The following NRG3 variants were observed in gnomAD, a reference collection of about 807,000 sequenced individuals.
NRG3 encodes neuregulin 3, also known as pro-neuregulin-3, membrane-bound isoform.
In NRG3, 31 loss-of-function variants were observed where a neutral mutation model predicts 66.9. The observed-to-expected ratio is 0.46, with a 90% CI of 0.35 to 0.63. NRG3 has a LOEUF of 0.63. Ranked by LOEUF, NRG3 falls within the 20% of genes least tolerant of loss-of-function variation. The probability of loss-of-function intolerance (pLI) is 0.00; values close to 1 mark genes in which losing one functional copy is unlikely to be tolerated. For synonymous variants in NRG3, 393 were observed against 359.4 expected (o/e 1.09, Z -1.06); for missense variants, 910 against 878.9 (o/e 1.04, Z -0.45).
At chr10:82,787,431 G>A (rs996635097) in intron 3 of NRG3, among the ~76,000 whole-genome samples, 5 of 152,142 alleles carry the variant, frequency 3.3e-5, no homozygotes, top group African/African-American at 1.2e-4. Context: ...CAATTATAAT[G>A]TTTAGGTAAA....
rs78693924 is a variant in NRG3 at position 81,915,496 on chromosome 10, G to GTTTTTTTTTTTT, written c.823+39336_823+39347dup. On this transcript the variant is annotated intron_variant, in intron 1 of 8. Coordinates refer to ENST00000372141, the MANE Select transcript of NRG3 (RefSeq NM_001010848.4). ...GTTAAAGTCAGCTCACACTTCTTTA[G>GTTTTTTTTTTTT]TTTTTTTTTTTTTTGCCAAAACACA... is the stretch of plus-strand genomic sequence containing the variant. Among the ~76,000 whole-genome samples the GTTTTTTTTTTTT allele has an allele frequency of 7.2e-3, 939 of 130,596 alleles. 63 individuals are homozygous for GTTTTTTTTTTTT. The highest frequency in any genetic ancestry group is 0.02 in the African/African-American group (662 of 32,692). 85.7% of individuals were successfully genotyped at this position (130,596 alleles called of 152,430 possible). A position where few individuals can be genotyped will look rare whatever the true frequency, so the allele number is the denominator to read the frequency against.
intron 3 of NRG3, among the ~76,000 whole-genome samples, chr10:82,783,006 C>G (rs933339704): frequency 6.6e-6 from 1 of 152,114 alleles, no homozygotes; most frequent in African/African-American, 2.4e-5. Context: ...AAAACTTACC[C>G]ACCATGATCA....
intron 1 of NRG3, among the ~76,000 whole-genome samples, chr10:81,966,443 G>C (rs74527515): frequency 0.044 from 6,749 of 151,824 alleles, 158 homozygotes; most frequent in Non-Finnish European, 0.055. Context: ...CAGATGAGTT[G>C]ATTTTTCTTA....
chr10:82,316,172 T>G (rs1233268262), intron 1 of NRG3, among the ~76,000 whole-genome samples: 1 of 152,142 alleles, frequency 6.6e-6, no homozygotes, highest in Non-Finnish European at 1.5e-5. Flanking sequence ...GTGCATTGCA[T>G]TTTTACTTTG....
At chr10:81,972,609 ATG>A (rs2059971535) in intron 1 of NRG3, among the ~76,000 whole-genome samples, 1 of 152,332 alleles carries the variant, frequency 6.6e-6, no homozygotes, top group East Asian at 1.9e-4. Flanking sequence ...AGAAACTATC[ATG>A]AAATAAAACT....
intron 1 of NRG3, among the ~76,000 whole-genome samples, chr10:82,280,188 ATCTT>A: frequency 6.6e-6 from 1 of 152,072 alleles, no homozygotes; most frequent in Admixed American, 6.6e-5. Context: ...GCTGAAAAAA[ATCTT>A]TATTTTCTGA....
At chr10:82,022,901 T>G in intron 1 of NRG3, among the ~76,000 whole-genome samples, 1 of 151,048 alleles carries the variant, frequency 6.6e-6, no homozygotes, top group Middle Eastern at 3.2e-3. Flanking sequence ...TATATTTAAC[T>G]AATCAATTTT....
chr10:82,068,672 A>G (rs995387267), intron 1 of NRG3, among the ~76,000 whole-genome samples: 1 of 152,176 alleles, frequency 6.6e-6, no homozygotes, highest in Non-Finnish European at 1.5e-5. Context: ...CTTAGATGAA[A>G]GAGGTGACAC....
At chr10:82,070,860 A>G (rs1327895062) in intron 1 of NRG3, among the ~76,000 whole-genome samples, 2 of 152,198 alleles carry the variant, frequency 1.3e-5, no homozygotes, top group Non-Finnish European at 2.9e-5. Context: ...AAAAGGCACA[A>G]CTTTCCTTAT....
At chr10:82,307,300 T>C (rs966009008) in intron 1 of NRG3, among the ~76,000 whole-genome samples, 3 of 152,204 alleles carry the variant, frequency 2.0e-5, no homozygotes, top group Admixed American at 6.5e-5. Context: ...TGTAATTATC[T>C]GTGAGAGATA....
At chr10:81,899,414 G>A (rs563845657) in intron 1 of NRG3, among the ~76,000 whole-genome samples, 54 of 152,326 alleles carry the variant, frequency 3.5e-4, no homozygotes, top group African/African-American at 1.3e-3. Context: ...GCTGATCATT[G>A]GTGCAAACCG....
intron 2 of NRG3, among the ~76,000 whole-genome samples, chr10:82,719,028 A>G (rs1320704736): frequency 2.6e-5 from 4 of 152,202 alleles, no homozygotes; most frequent in Admixed American, 6.5e-5. Context: ...TATGAGCTTT[A>G]TAAGTAATGA....
At position 81,947,559 on chromosome 10, in the gene NRG3, C is replaced by T. The variant is rs191494661; in HGVS notation, c.823+71396C>T. 2.6e-5 allele frequency among the ~76,000 whole-genome samples: 4 copies of T among 152,168 alleles called. No homozygotes were observed. The East Asian group carries it at 7.7e-4, about 29-fold the overall frequency. ...TCATAGTGGCATTCTGACATTCTTACAATTTGTATAACCTTTGTGCTATCT... is the reference window on the plus strand; with the variant it reads ...TCATAGTGGCATTCTGACATTCTTATAATTTGTATAACCTTTGTGCTATCT... On this transcript the variant is annotated intron_variant, in intron 1 of 8. Coordinates refer to ENST00000372141, the MANE Select transcript of NRG3 (RefSeq NM_001010848.4).
intron 1 of NRG3, among the ~76,000 whole-genome samples, chr10:82,303,283 T>C (rs918908545): frequency 6.6e-6 from 1 of 152,000 alleles, no homozygotes; most frequent in Non-Finnish European, 1.5e-5. Flanking sequence ...AAAAATCTCA[T>C]ATATTTCCAG....
chr10:82,258,236 G>A (rs1564720166), intron 1 of NRG3, among the ~76,000 whole-genome samples: 1 of 152,086 alleles, frequency 6.6e-6, no homozygotes, highest in South Asian at 2.1e-4. Flanking sequence ...ACGTTCCTAG[G>A]GAATAGATGG....
At chr10:82,233,596 C>A (rs2076606295) in intron 1 of NRG3, among the ~76,000 whole-genome samples, 6 of 152,096 alleles carry the variant, frequency 3.9e-5, no homozygotes, top group Admixed American at 3.9e-4. Context: ...TAATGACTTG[C>A]CTGAGATTCA....
intron 1 of NRG3, among the ~76,000 whole-genome samples, chr10:82,197,137 C>A (rs1167527976): frequency 1.3e-5 from 2 of 152,142 alleles, no homozygotes; most frequent in Non-Finnish European, 1.5e-5. Context: ...ATGAGAGCAA[C>A]CAACTGGCCC....
At chr10:82,590,413 T>C (rs2046914189) in intron 2 of NRG3, among the ~76,000 whole-genome samples, 2 of 152,054 alleles carry the variant, frequency 1.3e-5, no homozygotes, top group African/African-American at 4.8e-5. Context: ...GGCCCCTAGG[T>C]GGAGCAGAGG....
intron 2 of NRG3, among the ~76,000 whole-genome samples, chr10:82,451,370 G>A (rs999014906): frequency 4.6e-5 from 7 of 152,094 alleles, no homozygotes; most frequent in Admixed American, 1.3e-4. Flanking sequence ...AAGGCCTCCA[G>A]TACAATTGAT....
Sources: allele counts gnomAD v4.1 joint callset (sites outside exome capture counted in the v4.1 genomes callset), GRCh38; gene constraint gnomAD v4.1.1; transcripts MANE v1.5; gene names NCBI Gene and HGNC (gene_info 2026-07-23, HGNC 2026-07-21).